CATSPERB: variants seen among roughly 807,000 people sequenced by gnomAD.
CATSPERB encodes cation channel sperm-associated auxiliary subunit beta.
Under a neutral mutation model 128.3 loss-of-function variants are expected in CATSPERB, and 93 were observed. The observed-to-expected ratio is 0.72, with a 90% CI of 0.61 to 0.86. The LOEUF (loss-of-function observed/expected upper bound fraction) is 0.86. Ranked by LOEUF, CATSPERB falls within the 40% of genes least tolerant of loss-of-function variation. The probability of loss-of-function intolerance (pLI) is 0.00; values close to 1 mark genes in which losing one functional copy is unlikely to be tolerated. For synonymous variants in CATSPERB, 381 were observed against 448.8 expected (o/e 0.85, Z 1.91); for missense variants, 1,153 against 1,329.5 (o/e 0.87, Z 2.06).
chr14:91,604,321 C>T (rs1435080458), intron 22 of CATSPERB: 4 of 749,166 alleles, frequency 5.3e-6, no homozygotes, highest in Non-Finnish European at 9.5e-6. Flanking sequence ...AAGAAAAATC[C>T]TATGAGGGAT....
At chr14:91,615,830 T>C (rs948081902) in intron 20 of CATSPERB, among the ~76,000 whole-genome samples, 2 of 151,912 alleles carry the variant, frequency 1.3e-5, no homozygotes, top group African/African-American at 4.8e-5. Context: ...TTGAAATTGC[T>C]AGATCATACA....
At chr14:91,674,739 A>G (rs1895160366) in intron 11 of CATSPERB, among the ~76,000 whole-genome samples, 1 of 152,202 alleles carries the variant, frequency 6.6e-6, no homozygotes, top group Non-Finnish European at 1.5e-5. Context: ...CAAATCAGAC[A>G]TGGAGACTCA....
At chr14:91,679,897 A>G (rs1290783379) in intron 11 of CATSPERB, among the ~76,000 whole-genome samples, 3 of 152,144 alleles carry the variant, frequency 2.0e-5, no homozygotes, top group Non-Finnish European at 4.4e-5. Flanking sequence ...TAACTAATCC[A>G]TGTGCTGTTA....
At chr14:91,690,696 T>C (rs1895452607) in intron 10 of CATSPERB, among the ~76,000 whole-genome samples, 1 of 152,264 alleles carries the variant, frequency 6.6e-6, no homozygotes, top group Non-Finnish European at 1.5e-5. Context: ...CAGTTCTATT[T>C]GCTTCCTGAG....
At chr14:91,595,897 T>G (rs1214544764) in intron 22 of CATSPERB, among the ~76,000 whole-genome samples, 1 of 152,236 alleles carries the variant, frequency 6.6e-6, no homozygotes, top group African/African-American at 2.4e-5. Flanking sequence ...AGGTTCCAAA[T>G]TTTGTTCACA....
At chr14:91,701,691 T>C (rs1298351622) in intron 7 of CATSPERB, among the ~76,000 whole-genome samples, 1 of 152,088 alleles carries the variant, frequency 6.6e-6, no homozygotes, top group Non-Finnish European at 1.5e-5. Flanking sequence ...GGCTGCTGCA[T>C]AGCTGTTCCC....
At chr14:91,691,853 G>A (rs1895476732) in intron 9 of CATSPERB, among the ~76,000 whole-genome samples, 1 of 152,018 alleles carries the variant, frequency 6.6e-6, no homozygotes, top group Admixed American at 6.6e-5. Context: ...CGAAAACCAT[G>A]CCTTTTAATG....
At chr14:91,687,522 A>C (rs927743379) in intron 10 of CATSPERB, among the ~76,000 whole-genome samples, 3 of 152,174 alleles carry the variant, frequency 2.0e-5, no homozygotes, top group Admixed American at 6.5e-5. Flanking sequence ...CTCACCAGAC[A>C]CTGAATTTGC....
In CATSPERB at chr14:91,639,158, CCA is replaced by C; in HGVS notation, c.1523_1524del (p.Leu508ArgfsTer4). On this transcript the variant is annotated frameshift_variant, in exon 16 of 27. Coordinates refer to ENST00000256343, the MANE Select transcript of CATSPERB (RefSeq NM_024764.4). LOFTEE classifies it high-confidence loss of function. Reference sequence around the variant, plus strand: ...GGTGGTCCACTAGCTTCAAAGCGACCCAGAGTCAGCTTATGTAGGAATCCCAA... The same window carrying C: ...GGTGGTCCACTAGCTTCAAAGCGACCGAGTCAGCTTATGTAGGAATCCCAA... ...DHLGFLHKLT[L>X]GRFEASGPPT... 6.2e-7 allele frequency: 1 copy of C among 1,613,930 alleles called. No homozygotes were observed. Among genetic ancestry groups the C allele is most frequent in the Non-Finnish European group, 8.5e-7 (1 of 1,179,972 alleles).
intron 15 of CATSPERB, among the ~76,000 whole-genome samples, chr14:91,648,975 TTC>T (rs1290640786): frequency 5.4e-5 from 8 of 148,226 alleles, no homozygotes; most frequent in Admixed American, 4.7e-4. Flanking sequence ...GCACTTCCCA[TTC>T]ACCTATCTTG....
chr14:91,707,370 T>C (rs1023804417), intron 6 of CATSPERB, among the ~76,000 whole-genome samples: 1 of 152,150 alleles, frequency 6.6e-6, no homozygotes, highest in African/African-American at 2.4e-5. Context: ...GATATTTCAG[T>C]AGTTAAAAAG....
chr14:91,626,490 T>C (rs1041954601), intron 17 of CATSPERB, among the ~76,000 whole-genome samples: 1 of 151,924 alleles, frequency 6.6e-6, no homozygotes, highest in African/African-American at 2.4e-5. Flanking sequence ...CATGAGGCTT[T>C]GCCCTCACGA....
intron 22 of CATSPERB, chr14:91,605,005 T>C: frequency 1.7e-6 from 2 of 1,158,970 alleles, no homozygotes; most frequent in Non-Finnish European, 2.6e-6. Flanking sequence ...CAAACAGCTG[T>C]GTGGAAGAGA....
Position 91,719,614 on chromosome 14 carries a change from T to C in CATSPERB, c.310-136A>G, listed in dbSNP as rs201317215. On this transcript the variant is annotated intron_variant, in intron 4 of 26. Coordinates refer to ENST00000256343, the MANE Select transcript of CATSPERB (RefSeq NM_024764.4). ...ACCTTTTACCTAGAAATTTCACTCT[T>C]AGGAATTTTTCCTACATTATGCTCA... is the stretch of plus-strand genomic sequence containing the variant. 5 of 599,282 alleles carry C rather than the reference T, an allele frequency of 8.3e-6. No individual in the cohort carries two copies. The East Asian group carries it at 1.5e-4, about 18-fold the overall frequency. 37.1% of individuals were successfully genotyped at this position (599,282 alleles called of 1,614,324 possible). A position where few individuals can be genotyped will look rare whatever the true frequency, so the allele number is the denominator to read the frequency against.
intron 17 of CATSPERB, among the ~76,000 whole-genome samples, chr14:91,630,746 A>G (rs892168740): frequency 6.6e-6 from 1 of 152,180 alleles, no homozygotes; most frequent in South Asian, 2.1e-4. Flanking sequence ...CACTTTTCAC[A>G]GCAATCAGAG....
chr14:91,655,488 T>C (rs1894771545), intron 15 of CATSPERB, among the ~76,000 whole-genome samples: 1 of 151,998 alleles, frequency 6.6e-6, no homozygotes, highest in South Asian at 2.1e-4. Context: ...AGCAAAGAGA[T>C]TGAAACAATT....
At chr14:91,591,713 T>A (rs551497816) in intron 23 of CATSPERB, among the ~76,000 whole-genome samples, 179 bp downstream of exon 23, 2 of 152,242 alleles carry the variant, frequency 1.3e-5, no homozygotes, top group African/African-American at 4.8e-5. Flanking sequence ...CCGATGAGGT[T>A]CATTAACTTG....
At chr14:91,622,889 A>T (rs959916632) in intron 18 of CATSPERB, among the ~76,000 whole-genome samples, 5 of 122,138 alleles carry the variant, frequency 4.1e-5, no homozygotes, top group African/African-American at 1.5e-4. Context: ...AAAGTTCTCA[A>T]TGACTTTTTT....
intron 2 of CATSPERB, among the ~76,000 whole-genome samples, chr14:91,727,681 A>G (rs1015514626): frequency 3.3e-5 from 5 of 152,224 alleles, no homozygotes; most frequent in African/African-American, 1.2e-4. Context: ...CTGTTTAAAA[A>G]TCTTCACTGA....
Sources: allele counts gnomAD v4.1 joint callset (sites outside exome capture counted in the v4.1 genomes callset), GRCh38; gene constraint gnomAD v4.1.1; transcripts MANE v1.5; gene names NCBI Gene and HGNC (gene_info 2026-07-23, HGNC 2026-07-21).